The following MYO1D variants were observed in gnomAD, a reference collection of about 807,000 sequenced individuals.
MYO1D encodes unconventional myosin-Id.
MYO1D carries 83 observed loss-of-function variants against 122.0 expected under a neutral mutation model. The ratio of observed to expected loss-of-function variants is 0.68; its 90% CI spans 0.57 to 0.82. The LOEUF is 0.82. MYO1D is among the 40% of genes least tolerant of loss of function. MYO1D has a pLI of 0.00. For synonymous variants in MYO1D, 464 were observed against 446.9 expected (o/e 1.04, Z -0.48); for missense variants, 1,157 against 1,269.5 (o/e 0.91, Z 1.35).
At chr17:32,545,019 T>C (rs888101093) in intron 21 of MYO1D, among the ~76,000 whole-genome samples, 1 of 152,214 alleles carries the variant, frequency 6.6e-6, no homozygotes, top group Non-Finnish European at 1.5e-5. Context: ...TGCGTATTGA[T>C]ATGGAGTCTC....
At chr17:32,802,204 T>C (rs1443522564) in intron 1 of MYO1D, among the ~76,000 whole-genome samples, 1 of 152,206 alleles carries the variant, frequency 6.6e-6, no homozygotes, top group Admixed American at 6.5e-5. Context: ...TTAAAGTACC[T>C]AATATGTAGA....
chr17:32,639,687 T>C (rs948533453), intron 19 of MYO1D, among the ~76,000 whole-genome samples: 2 of 152,124 alleles, frequency 1.3e-5, no homozygotes, highest in Non-Finnish European at 2.9e-5. Flanking sequence ...TGCGCCACCA[T>C]GTCCAGCTAG....
chr17:32,550,198 C>T (rs1242401011), intron 21 of MYO1D, among the ~76,000 whole-genome samples: 1 of 151,168 alleles, frequency 6.6e-6, no homozygotes, highest in East Asian at 1.9e-4. Flanking sequence ...CTTGCTGGTT[C>T]AAGTGATTCT....
intron 16 of MYO1D, among the ~76,000 whole-genome samples, chr17:32,668,608 C>A (rs949591060): frequency 1.3e-5 from 2 of 152,126 alleles, no homozygotes; most frequent in Admixed American, 1.3e-4. Context: ...AAAAGGGTTC[C>A]AATTTCAATA....
intron 14 of MYO1D, among the ~76,000 whole-genome samples, chr17:32,728,984 A>G (rs1349213343): frequency 6.6e-6 from 1 of 152,236 alleles, no homozygotes; most frequent in Non-Finnish European, 1.5e-5. Context: ...TACTTTCTCT[A>G]TATTTAATCA....
At chr17:32,638,603 C>A in intron 20 of MYO1D, 119 bp downstream of exon 20, 1 of 587,640 alleles carries the variant, frequency 1.7e-6, no homozygotes, top group African/African-American at 1.8e-5. Context: ...CATAAAATTT[C>A]AGGAATTCAT....
At chr17:32,644,127 G>A (rs1480614233) in intron 19 of MYO1D, among the ~76,000 whole-genome samples, 4 of 151,902 alleles carry the variant, frequency 2.6e-5, no homozygotes, top group African/African-American at 4.8e-5. Context: ...CTTTGTTCTC[G>A]TTGGTTTCAA....
At chr17:32,690,541 A>G (rs1169667715) in intron 16 of MYO1D, among the ~76,000 whole-genome samples, 1 of 152,130 alleles carries the variant, frequency 6.6e-6, no homozygotes, top group Non-Finnish European at 1.5e-5. Context: ...TCGAATCTCC[A>G]GTTGAAATTT....
chr17:32,509,678 TC>T (rs1448657376), intron 21 of MYO1D, among the ~76,000 whole-genome samples: 1 of 152,056 alleles, frequency 6.6e-6, no homozygotes, highest in Non-Finnish European at 1.5e-5. Context: ...AACCTCCGCC[TC>T]CCAGGTTCAG....
intron 6 of MYO1D, among the ~76,000 whole-genome samples, chr17:32,770,031 G>C (rs1002682555): frequency 1.3e-5 from 2 of 152,152 alleles, no homozygotes; most frequent in African/African-American, 4.8e-5. Context: ...TCTCAGAGAG[G>C]TGGAGTGTTG....
chr17:32,577,974 C>T (rs956449740), intron 21 of MYO1D, among the ~76,000 whole-genome samples: 3 of 152,008 alleles, frequency 2.0e-5, no homozygotes, highest in East Asian at 3.9e-4. Context: ...CTCCTGACCT[C>T]GTGATCCGCC....
rs1463316380 is a variant in MYO1D at position 32,720,133 on chromosome 17, G to GA, written c.1913+889dup. 5.3e-5 allele frequency among the ~76,000 whole-genome samples: 8 copies of GA among 152,050 alleles called. No homozygotes were observed. In the East Asian group the frequency reaches 1.5e-3, roughly 29 times the overall value. On this transcript the variant is annotated intron_variant, in intron 15 of 21. Transcript: ENST00000318217. ...CATTTTTGGGGGGAAAACTATAGTC[G>GA]AGATTATAGAAAATGTTCAATAAGT...
intron 21 of MYO1D, among the ~76,000 whole-genome samples, chr17:32,553,509 A>G (rs1245208677): frequency 2.6e-5 from 4 of 152,204 alleles, no homozygotes; most frequent in Non-Finnish European, 5.9e-5. Flanking sequence ...AGAAAGAATC[A>G]GCTCCTCTTC....
chr17:32,518,612 C>T (rs1909983661), intron 21 of MYO1D: 1 of 152,254 alleles, frequency 6.6e-6, no homozygotes. Flanking sequence ...CACAGTCCCA[C>T]TTAGGGTGTA....
At chr17:32,587,634 A>G in intron 21 of MYO1D, among the ~76,000 whole-genome samples, 1 of 152,170 alleles carries the variant, frequency 6.6e-6, no homozygotes. Context: ...TTGTTTATCC[A>G]ATTTTTGTTG....
chr17:32,586,183 C>T (rs2087385759), intron 21 of MYO1D, among the ~76,000 whole-genome samples: 1 of 152,204 alleles, frequency 6.6e-6, no homozygotes, highest in African/African-American at 2.4e-5. Context: ...AATTCGTTTT[C>T]TGAGCCTTTG....
chr17:32,537,942 A>G (rs1910710992), intron 21 of MYO1D, among the ~76,000 whole-genome samples: 1 of 152,218 alleles, frequency 6.6e-6, no homozygotes, highest in South Asian at 2.1e-4. Context: ...TCTTCATTTG[A>G]CATGGTGAGT....
At chr17:32,805,539 G>C (rs750125729) in intron 1 of MYO1D, among the ~76,000 whole-genome samples, 3 of 152,110 alleles carry the variant, frequency 2.0e-5, no homozygotes, top group African/African-American at 7.2e-5. Context: ...CACATATTGA[G>C]TTTGGTTTTG....
At chr17:32,590,322 A>T (rs2087428299) in intron 21 of MYO1D, among the ~76,000 whole-genome samples, 1 of 152,130 alleles carries the variant, frequency 6.6e-6, no homozygotes, top group Middle Eastern at 3.2e-3. Flanking sequence ...CATAACCTCC[A>T]ACTAGACTTG....
Sources: gnomAD v4.1 joint callset for allele counts (sites outside exome capture counted in the v4.1 genomes callset) on GRCh38, gnomAD v4.1.1 for gene constraint, MANE v1.5 for transcripts, NCBI Gene and HGNC (gene_info 2026-07-23, HGNC 2026-07-21) for gene names.